The following ZFHX3 variants were observed in gnomAD, a reference collection of about 807,000 sequenced individuals.
The protein encoded by ZFHX3 is zinc finger homeobox protein 3.
A neutral mutation model predicts 279.1 loss-of-function variants in ZFHX3; 42 were observed. The ratio of observed to expected loss-of-function variants is 0.15; its 90% CI spans 0.12 to 0.19. The LOEUF (loss-of-function observed/expected upper bound fraction) is 0.19, where lower values mean the gene tolerates loss of function less well. Among genes scored for constraint, ZFHX3 ranks in the 10% least tolerant of loss-of-function variants. The pLI, the probability that ZFHX3 is intolerant of heterozygous loss-of-function variation, is 1.00. For missense variants in ZFHX3, 4,981 were observed against 4,754.0 expected, an observed-to-expected ratio of 1.05 and a Z score of -1.40; for synonymous variants, 2,293 against 1,957.8, an observed-to-expected ratio of 1.17 and a Z score of -4.52.
intron 2 of ZFHX3, among the ~76,000 whole-genome samples, chr16:73,567,454 C>G (rs1217139221): frequency 6.6e-6 from 1 of 152,226 alleles, no homozygotes; most frequent in East Asian, 1.9e-4. Flanking sequence ...CTCCTCATCT[C>G]CCTTAGTTGG....
intron 2 of ZFHX3, among the ~76,000 whole-genome samples, chr16:73,654,284 T>G (rs2052700900): frequency 6.6e-6 from 1 of 152,078 alleles, no homozygotes; most frequent in Non-Finnish European, 1.5e-5. Context: ...GGCTAGATAC[T>G]TTAGTAGTCT....
chr16:73,628,540 T>A (rs917066689), intron 2 of ZFHX3, among the ~76,000 whole-genome samples: 4 of 152,192 alleles, frequency 2.6e-5, no homozygotes, highest in African/African-American at 9.6e-5. Context: ...ATTGAAATTA[T>A]CTTGCACTCC....
At chr16:73,881,453 A>ACACTCTCT (rs1567438856) in intron 1 of ZFHX3, among the ~76,000 whole-genome samples, 3 of 39,058 alleles carry the variant, frequency 7.7e-5, no homozygotes, top group African/African-American at 2.7e-4. Context: ...ACACACACAC[A>ACACTCTCT]CTCTCTCTCT....
chr16:72,900,952 TATCTTAA>T (rs2039019665), intron 3 of ZFHX3, among the ~76,000 whole-genome samples: 1 of 151,970 alleles, frequency 6.6e-6, no homozygotes, highest in African/African-American at 2.4e-5. Flanking sequence ...TCCCAAAGAG[TATCTTAA>T]ATTCTAGCAA....
At chr16:73,830,378 G>A (rs1208999739) in intron 1 of ZFHX3, among the ~76,000 whole-genome samples, 2 of 151,736 alleles carry the variant, frequency 1.3e-5, no homozygotes, top group African/African-American at 4.8e-5. Flanking sequence ...CGTCGCTCAC[G>A]CTGGGAGCTG....
At chr16:73,779,268 A>C (rs962084535) in intron 1 of ZFHX3, among the ~76,000 whole-genome samples, 1 of 152,250 alleles carries the variant, frequency 6.6e-6, no homozygotes, top group Non-Finnish European at 1.5e-5. Flanking sequence ...CAGTAAAATC[A>C]GTAAATACAA....
chr16:72,992,321 C>T (rs1963122288), intron 1 of ZFHX3, among the ~76,000 whole-genome samples: 1 of 152,176 alleles, frequency 6.6e-6, no homozygotes, highest in African/African-American at 2.4e-5. Context: ...GAGGATCCTA[C>T]AGCCCAGAGC....
chr16:73,606,314 C>T (rs1555527839), intron 2 of ZFHX3, among the ~76,000 whole-genome samples: 1 of 150,178 alleles, frequency 6.7e-6, no homozygotes, highest in African/African-American at 2.5e-5. Flanking sequence ...CCGAGACCAG[C>T]CTAAAATATA....
chr16:72,813,821 A>G (rs1567529261), intron 5 of ZFHX3, among the ~76,000 whole-genome samples: 1 of 152,142 alleles, frequency 6.6e-6, no homozygotes, highest in Non-Finnish European at 1.5e-5. Flanking sequence ...CAGTTCCCCC[A>G]TGGCCTACTT....
At chr16:73,407,934 A>C (rs990587455) in intron 3 of ZFHX3, among the ~76,000 whole-genome samples, 1 of 152,026 alleles carries the variant, frequency 6.6e-6, no homozygotes, top group African/African-American at 2.4e-5. Context: ...TGATTCCTAC[A>C]GGCTGGGGAA....
chr16:73,209,142 T>C (rs755471488), intron 5 of ZFHX3, among the ~76,000 whole-genome samples: 3 of 152,214 alleles, frequency 2.0e-5, no homozygotes, highest in Non-Finnish European at 4.4e-5. Flanking sequence ...GTGAGTTATA[T>C]CTACTAATAT....
chr16:72,868,560 C>T (rs1455442599), intron 4 of ZFHX3, among the ~76,000 whole-genome samples: 3 of 152,236 alleles, frequency 2.0e-5, no homozygotes, highest in African/African-American at 7.2e-5. Flanking sequence ...GATCTCAGGG[C>T]TCCGCACTCC....
chr16:73,160,917 C>CCCTCGCG (rs1967220112), intron 5 of ZFHX3, among the ~76,000 whole-genome samples: 1 of 151,814 alleles, frequency 6.6e-6, no homozygotes, highest in Admixed American at 6.6e-5. Flanking sequence ...TTGGGTGGTG[C>CCCTCGCG]CCTCTCACAG....
rs564211862 is a variant in ZFHX3, at chr16:73,848,127, T to G, written c.-1608+43524A>C. ...AAACTAATTTTGTCTCATTACAGTT[T>G]ACACTCAATCTAGTCTAGACATGGG... On this transcript the variant is annotated intron_variant, in intron 1 of 17. Coordinates refer to the ZFHX3 transcript ENST00000641206. Among the ~76,000 whole-genome samples the G allele has an allele frequency of 5.3e-5, 8 of 152,056 alleles. No homozygotes were observed. In the East Asian group the frequency reaches 1.6e-3, roughly 30 times the overall value.
intron 4 of ZFHX3, among the ~76,000 whole-genome samples, chr16:73,295,219 G>GAAAC (rs991741228): frequency 9.9e-5 from 15 of 151,948 alleles, no homozygotes; most frequent in African/African-American, 3.1e-4. Flanking sequence ...CGTCTCAAAA[G>GAAAC]AAACAAACAA....
intron 1 of ZFHX3, among the ~76,000 whole-genome samples, chr16:73,819,353 C>T (rs1318452206): frequency 6.6e-6 from 1 of 150,544 alleles, no homozygotes; most frequent in African/African-American, 2.4e-5. Context: ...TAGCAATCAC[C>T]ACCACCCCAA....
chr16:73,087,079 C>T (rs748745487), intron 8 of ZFHX3, among the ~76,000 whole-genome samples: 9 of 151,970 alleles, frequency 5.9e-5, no homozygotes, highest in Non-Finnish European at 7.4e-5. Context: ...ATGTGCCCCC[C>T]GAAATAGGTA....
At chr16:73,840,930 G>T (rs1961288439) in intron 1 of ZFHX3, among the ~76,000 whole-genome samples, 1 of 152,158 alleles carries the variant, frequency 6.6e-6, no homozygotes. Context: ...AACAGGAAGA[G>T]GAATGAGAAT....
chr16:73,493,894 A>G (rs1439384375), intron 2 of ZFHX3, among the ~76,000 whole-genome samples: 1 of 150,096 alleles, frequency 6.7e-6, no homozygotes, highest in Non-Finnish European at 1.5e-5. Flanking sequence ...AGAATGCACG[A>G]TAAAAAGCCA....
Sources: allele counts gnomAD v4.1 joint callset (sites outside exome capture counted in the v4.1 genomes callset), GRCh38; gene constraint gnomAD v4.1.1; transcripts MANE v1.5; gene names NCBI Gene and HGNC (gene_info 2026-07-23, HGNC 2026-07-21).